The following GIT2 variants were observed in gnomAD, a reference collection of about 807,000 sequenced individuals.
GIT2 encodes the protein GIT ArfGAP 2.
GIT2 carries 32 observed loss-of-function variants against 100.3 expected under a neutral mutation model. The observed-to-expected ratio is 0.32, with a 90% CI of 0.24 to 0.43. The LOEUF is 0.43. Among genes scored for constraint, GIT2 ranks in the 20% least tolerant of loss-of-function variants. The pLI is 1.00. For synonymous variants in GIT2, 353 were observed against 364.1 expected (o/e 0.97, Z 0.35); for missense variants, 737 against 975.1 (o/e 0.76, Z 3.25).
At chr12:109,989,655 G>T in intron 3 of GIT2, 35 bp downstream of exon 3, 1 of 1,157,762 alleles carries the variant, frequency 8.6e-7, no homozygotes, top group Non-Finnish European at 1.3e-6. Flanking sequence ...CATTTGTTAT[G>T]AAGAAATAAA....
At chr12:109,993,172 A>G (rs1888737079) in intron 1 of GIT2, among the ~76,000 whole-genome samples, 1 of 152,188 alleles carries the variant, frequency 6.6e-6, no homozygotes, top group Admixed American at 6.5e-5. Context: ...GAATAATTTC[A>G]TACTTGGCAA....
intron 16 of GIT2, among the ~76,000 whole-genome samples, chr12:109,944,840 AG>A (rs1201098829): frequency 5.9e-5 from 9 of 151,412 alleles, no homozygotes; most frequent in African/African-American, 1.2e-4. Flanking sequence ...AAAAAAAAAA[AG>A]GCATGACATT....
At position 109,948,895 on chromosome 12, in the gene GIT2, T is replaced by A. The variant is rs1360416708; in HGVS notation, c.1393-1391A>T. ...ACAAATCATGCTACTTTGTCAACTT[T>A]ATGTATATTAAAAACTTTACCCAAC... On this transcript the variant is annotated intron_variant, in intron 14 of 19. Transcript: ENST00000355312. This position sits in a 1 kb window ranked among gnomAD's most constrained non-coding sequence, Gnocchi z 4.3. 7.5e-7 allele frequency: 1 copy of A among 1,328,176 alleles called. No individual in the cohort carries two copies. Among genetic ancestry groups the A allele is most frequent in the Non-Finnish European group, 1.1e-6 (1 of 940,672 alleles). The allele number at this position is 1,328,176 out of a possible 1,614,324, so 82.3% of individuals were successfully genotyped here. A position where few individuals can be genotyped will look rare whatever the true frequency, so the allele number is the denominator to read the frequency against.
At chr12:109,977,731 A>G (rs1885398055) in intron 7 of GIT2, among the ~76,000 whole-genome samples, 2 of 151,980 alleles carry the variant, frequency 1.3e-5, no homozygotes, top group South Asian at 4.2e-4. Flanking sequence ...CTGAGGCAAG[A>G]GAATCGCTTG....
intron 1 of GIT2, among the ~76,000 whole-genome samples, chr12:109,992,937 G>C (rs765390809): frequency 4.0e-5 from 6 of 151,778 alleles, no homozygotes. Flanking sequence ...CTCCTAAAGT[G>C]CTGGGATTAC....
rs985573736 is a variant in GIT2 at position 109,933,279 on chromosome 12, T to A, written c.2068-89A>T. On this transcript the variant is annotated intron_variant, in intron 19 of 19. Transcript: ENST00000355312. This position sits in a 1 kb window ranked among gnomAD's most constrained non-coding sequence, Gnocchi z 4.5. ...AACATTCTTCTAAAGCAAACCAAGC[T>A]GCTCCCCAGAGTGAAAGGCGGTTTG... The A allele has an allele frequency of 1.3e-6, 1 of 782,398 alleles. No individual in the cohort carries two copies. Among genetic ancestry groups the A allele is most frequent in the African/African-American group, 1.7e-5 (1 of 58,488 alleles). 48.5% of individuals were successfully genotyped at this position (782,398 alleles called of 1,614,324 possible).
intron 6 of GIT2, 145 bp downstream of exon 6, chr12:109,983,228 A>G: frequency 1.3e-6 from 1 of 743,714 alleles, no homozygotes; most frequent in Non-Finnish European, 2.2e-6. Flanking sequence ...GCTTATATGC[A>G]TTTGAAATGT....
intron 7 of GIT2, among the ~76,000 whole-genome samples, chr12:109,971,385 C>T (rs937537608): frequency 2.6e-5 from 4 of 151,790 alleles, no homozygotes; most frequent in African/African-American, 9.7e-5. Context: ...AGTGCAGTGG[C>T]AAGATCTCAG....
Position 109,933,839 on chromosome 12 carries a change from G to A in GIT2, c.2067+183C>T, listed in dbSNP as rs7953817. The A allele has an allele frequency of 1.7e-6, 1 of 577,216 alleles. No individual in the cohort carries two copies. The allele number at this position is 577,216 out of a possible 1,614,324, so 35.8% of individuals were successfully genotyped here. Reference sequence around the variant, plus strand: ...TGGCCTCGAACTCCCGACCTCAGGTGATCTGCCTGTCTCGGCCTCCCAAAG... The same window carrying A: ...TGGCCTCGAACTCCCGACCTCAGGTAATCTGCCTGTCTCGGCCTCCCAAAG... On this transcript the variant is annotated intron_variant, in intron 19 of 19. Coordinates refer to ENST00000355312, the MANE Select transcript of GIT2 (RefSeq NM_057169.5). The surrounding 1 kb of genome is among the most constrained non-coding windows in gnomAD (Gnocchi z 4.5).
chr12:109,939,659 T>A (rs1328032679), intron 16 of GIT2: 1 of 150,886 alleles, frequency 6.6e-6, no homozygotes, highest in African/African-American at 2.4e-5. Context: ...GAGACCAGCC[T>A]GGGCAACATT....
chr12:109,973,478 TG>T (rs1218198156), intron 7 of GIT2, among the ~76,000 whole-genome samples: 2 of 152,102 alleles, frequency 1.3e-5, no homozygotes, highest in Non-Finnish European at 2.9e-5. Flanking sequence ...TCCATGTCTG[TG>T]GGGTTTATAG....
At chr12:109,952,996 C>T in intron 13 of GIT2, 96 bp downstream of exon 13, 1 of 1,232,392 alleles carries the variant, frequency 8.1e-7, no homozygotes, top group Non-Finnish European at 1.2e-6. Flanking sequence ...TTGGCCTGAG[C>T]TAGTAACAAA....
intron 7 of GIT2, among the ~76,000 whole-genome samples, chr12:109,976,523 A>T (rs2136669521): frequency 6.6e-6 from 1 of 151,000 alleles, no homozygotes. Flanking sequence ...TGACCTCGTG[A>T]TCTGCCCACC....
At chr12:109,983,556 A>G in intron 5 of GIT2, 52 bp downstream of exon 5, 1 of 1,598,780 alleles carries the variant, frequency 6.3e-7, no homozygotes, top group Non-Finnish European at 8.6e-7. Context: ...TAAAGGCTAC[A>G]TGAACACAAC....
intron 16 of GIT2, 62 bp from the exon 17 acceptor site, chr12:109,939,309 C>T (rs149061038): frequency 2.8e-5 from 27 of 949,342 alleles, no homozygotes; most frequent in Non-Finnish European, 4.3e-5. Context: ...AGGAGTCTTC[C>T]CCAGGAATTG....
Position 109,947,492 on chromosome 12 carries a change from G to C in GIT2, c.1405C>G (p.Gln469Glu). ...TTCCTGAGGTTCGAATTTTCACTCTGGAGTGTTTGAAGCTGAAAGAAATGT... is the reference window on the plus strand; with the variant it reads ...TTCCTGAGGTTCGAATTTTCACTCTCGAGTGTTTGAAGCTGAAAGAAATGT... ...RIMQKKLQTL[Q>E]SENSNLRKQA... Residue 469 changes from glutamine (Q) to glutamate (E), a missense_variant, in exon 15 of 20, where the codon CAG (glutamine) becomes GAG (glutamate). Gln to Glu is a conservative substitution (Grantham distance 29). Transcript: ENST00000355312. The surrounding 1 kb of genome is among the most constrained non-coding windows in gnomAD (Gnocchi z 4.3). The C allele has an allele frequency of 1.9e-6, 3 of 1,613,708 alleles. No homozygotes were observed. The highest frequency in any genetic ancestry group is 2.5e-6 in the Non-Finnish European group (3 of 1,179,728).
intron 11 of GIT2, 47 bp downstream of exon 11, chr12:109,961,231 A>G (rs373841916): frequency 2.0e-6 from 2 of 1,022,268 alleles, no homozygotes; most frequent in Non-Finnish European, 3.1e-6. Context: ...GAAACATGAC[A>G]TCAGCCATTC....
At chr12:109,946,767 C>T (rs1450875611) in intron 15 of GIT2, among the ~76,000 whole-genome samples, 1 of 152,110 alleles carries the variant, frequency 6.6e-6, no homozygotes, top group Admixed American at 6.6e-5. Context: ...CCAGCCTTGC[C>T]TGGGTACCTG....
intron 14 of GIT2, among the ~76,000 whole-genome samples, chr12:109,950,127 T>A (rs1253010703): frequency 6.6e-6 from 1 of 152,188 alleles, no homozygotes; most frequent in Admixed American, 6.5e-5. Flanking sequence ...ATCAAAAGAA[T>A]CCTAGACCAA....
Sources: allele counts gnomAD v4.1 joint callset (sites outside exome capture counted in the v4.1 genomes callset), GRCh38; gene constraint gnomAD v4.1.1; non-coding constraint Gnocchi (gnomAD v3.1); transcripts MANE v1.5; gene names NCBI Gene and HGNC (gene_info 2026-07-23, HGNC 2026-07-21).